Variants in SH3RF3 observed in about 807,000 individuals in gnomAD.
SH3RF3 encodes the protein SH3 domain containing ring finger 3, also known as E3 ubiquitin-protein ligase SH3RF3.
A neutral mutation model predicts 66.3 loss-of-function variants in SH3RF3; 29 were observed. The ratio of observed to expected loss-of-function variants is 0.44; its 90% CI spans 0.33 to 0.60. The LOEUF is 0.60. SH3RF3 is among the 20% of genes least tolerant of loss of function. The pLI is 0.04. For missense variants in SH3RF3, 1,194 were observed against 1,190.9 expected, an observed-to-expected ratio of 1.00 and a Z score of -0.04; for synonymous variants, 583 against 532.0, an observed-to-expected ratio of 1.10 and a Z score of -1.32.
intron 4 of SH3RF3, among the ~76,000 whole-genome samples, chr2:109,406,844 T>C (rs1559066848): frequency 1.3e-5 from 2 of 152,124 alleles, no homozygotes; most frequent in African/African-American, 4.8e-5. Context: ...CGCATTTCAG[T>C]GGTCGAAGCC....
At chr2:109,336,263 T>G (rs926138930) in intron 1 of SH3RF3, among the ~76,000 whole-genome samples, 2 of 152,258 alleles carry the variant, frequency 1.3e-5, no homozygotes, top group Non-Finnish European at 2.9e-5. Flanking sequence ...GAAGGCTGTC[T>G]TGTTCTCTAG....
At chr2:109,358,317 A>G (rs556972148) in intron 2 of SH3RF3, among the ~76,000 whole-genome samples, 1 of 152,200 alleles carries the variant, frequency 6.6e-6, no homozygotes, top group Non-Finnish European at 1.5e-5. Flanking sequence ...CATCTTGGTT[A>G]CTTCCATGTT....
intron 1 of SH3RF3, among the ~76,000 whole-genome samples, chr2:109,192,256 T>C (rs1287479724): frequency 2.0e-5 from 3 of 152,220 alleles, no homozygotes; most frequent in Admixed American, 6.5e-5. Flanking sequence ...TCCCTGGCAC[T>C]GCAGCTCATG....
Position 109,375,680 on chromosome 2 carries a change from C to T in SH3RF3, c.945+3999C>T, listed in dbSNP as rs541284195. ...CAGGAGGATGGCAGGCGAGGGACTC[C>T]GTCATCCAGAGTTCTGCCCTCTCTG... On this transcript the variant is annotated intron_variant, in intron 3 of 9. Transcript: ENST00000309415. Among the ~76,000 whole-genome samples, 344 of 152,356 alleles carry T rather than the reference C, an allele frequency of 2.3e-3. 2 individuals are homozygous for T. Among genetic ancestry groups the T allele is most frequent in the Admixed American group, 3.9e-3 (60 of 15,306 alleles).
At chr2:109,491,616 G>A (rs534830322) in intron 9 of SH3RF3, among the ~76,000 whole-genome samples, 2 of 152,144 alleles carry the variant, frequency 1.3e-5, no homozygotes, top group African/African-American at 4.8e-5. Context: ...TTCACCTGGG[G>A]CTAGAGGCGT....
chr2:109,349,438 A>G (rs999087350), intron 2 of SH3RF3, among the ~76,000 whole-genome samples: 5 of 152,096 alleles, frequency 3.3e-5, no homozygotes, highest in African/African-American at 1.2e-4. Context: ...GGCGAGAGCA[A>G]CAGCTTCCTG....
At chr2:109,490,966 C>T in intron 9 of SH3RF3, 30 bp downstream of exon 9, 1 of 1,425,702 alleles carries the variant, frequency 7.0e-7, no homozygotes, top group Non-Finnish European at 9.2e-7. Flanking sequence ...TGCTCTGTGG[C>T]ATGCTGTGGT....
intron 8 of SH3RF3, among the ~76,000 whole-genome samples, chr2:109,464,411 A>G (rs771009630): frequency 5.9e-5 from 9 of 152,232 alleles, no homozygotes; most frequent in Non-Finnish European, 8.8e-5. Flanking sequence ...AAATACACAT[A>G]CAAACATGAC....
At chr2:109,238,690 C>T (rs1679706463) in intron 1 of SH3RF3, among the ~76,000 whole-genome samples, 1 of 152,202 alleles carries the variant, frequency 6.6e-6, no homozygotes, top group Non-Finnish European at 1.5e-5. Flanking sequence ...GATGGCCTCA[C>T]TCCACAGAGG....
intron 1 of SH3RF3, among the ~76,000 whole-genome samples, chr2:109,223,954 A>T (rs1679313251): frequency 6.6e-6 from 1 of 152,130 alleles, no homozygotes; most frequent in Admixed American, 6.5e-5. Flanking sequence ...GTGAGCCATG[A>T]TTGTGCCACT....
chr2:109,437,093 T>C lies in SH3RF3; in HGVS notation c.1775T>C (p.Leu592Pro), dbSNP rs1004348921. The change falls in exon 7 of 10, where the codon CTA becomes CCA. Residue 592 changes from leucine to proline, a missense_variant. By Grantham distance (98) the Leu-to-Pro change is moderately conservative. Coordinates refer to ENST00000309415, the MANE Select transcript of SH3RF3 (RefSeq NM_001099289.3). The stretch of plus-strand genomic sequence containing the variant: ...GCCTCGCCCCCAACAGGCAGCTGTC[T>C]ACGGCACTCAGCCCAGCCAACGGCC... ...PTASPPTGSC[L>P]RHSAQPTASQ... 17 of 1,613,484 alleles carry C rather than the reference T, an allele frequency of 1.1e-5. No individual in the cohort carries two copies. The highest frequency in any genetic ancestry group is 5.5e-5 in the South Asian group (5 of 91,024).
At chr2:109,251,358 C>T (rs1006802898) in intron 1 of SH3RF3, 20 of 591,012 alleles carry the variant, frequency 3.4e-5, no homozygotes, top group African/African-American at 5.6e-5. Context: ...CGGCCTGCCG[C>T]GGGAGCATGA....
At chr2:109,277,858 T>G (rs929139963) in intron 1 of SH3RF3, among the ~76,000 whole-genome samples, 1 of 152,172 alleles carries the variant, frequency 6.6e-6, no homozygotes. Context: ...TTGCTGTGAA[T>G]TACAAGGGCA....
At chr2:109,264,751 T>G in intron 1 of SH3RF3, among the ~76,000 whole-genome samples, 1 of 152,236 alleles carries the variant, frequency 6.6e-6, no homozygotes, top group East Asian at 1.9e-4. Context: ...CCAGGCCCAC[T>G]GGGCGGGCAT....
chr2:109,159,954 T>C (rs1357935223), intron 1 of SH3RF3, among the ~76,000 whole-genome samples: 3 of 152,140 alleles, frequency 2.0e-5, no homozygotes, highest in Non-Finnish European at 2.9e-5. Context: ...TATATTACAA[T>C]GTAATAATAA....
At chr2:109,274,472 C>CA (rs1246584315) in intron 1 of SH3RF3, among the ~76,000 whole-genome samples, 1 of 152,170 alleles carries the variant, frequency 6.6e-6, no homozygotes, top group Non-Finnish European at 1.5e-5. Context: ...ATGAAATTGT[C>CA]ATATATGCTG....
At chr2:109,140,641 A>C (rs2104829128) in intron 1 of SH3RF3, among the ~76,000 whole-genome samples, 1 of 152,266 alleles carries the variant, frequency 6.6e-6, no homozygotes, top group Admixed American at 6.5e-5. Context: ...TCAGCCTCCC[A>C]AAGTGCTGGG....
intron 3 of SH3RF3, among the ~76,000 whole-genome samples, chr2:109,380,030 G>T (rs1683478301): frequency 6.6e-6 from 1 of 152,136 alleles, no homozygotes; most frequent in Non-Finnish European, 1.5e-5. Flanking sequence ...TGAGTGTAAA[G>T]AAATGAGACA....
At chr2:109,333,887 C>T (rs946947145) in intron 1 of SH3RF3, among the ~76,000 whole-genome samples, 23 of 151,842 alleles carry the variant, frequency 1.5e-4, no homozygotes, top group African/African-American at 5.3e-4. Flanking sequence ...ATGATATCAC[C>T]AAAATAATAC....
Sources: gnomAD v4.1 joint callset for allele counts (sites outside exome capture counted in the v4.1 genomes callset) on GRCh38, gnomAD v4.1.1 for gene constraint, MANE v1.5 for transcripts, NCBI Gene and HGNC (gene_info 2026-07-23, HGNC 2026-07-21) for gene names.